Variants in ST7 observed in about 807,000 individuals in gnomAD.
The protein encoded by ST7 is suppression of tumorigenicity 7.
ST7 carries 28 observed loss-of-function variants against 78.7 expected under a neutral mutation model. The observed-to-expected ratio is 0.36, with a 90% CI of 0.26 to 0.49. The LOEUF is 0.49. ST7 is among the 20% of genes least tolerant of loss of function. The pLI is 0.99. For synonymous variants in ST7, 247 were observed against 249.6 expected (o/e 0.99, Z 0.10); for missense variants, 418 against 696.0 (o/e 0.60, Z 4.49).
intron 1 of ST7, among the ~76,000 whole-genome samples, chr7:117,004,348 C>A (rs1795070132): frequency 6.6e-6 from 1 of 152,150 alleles, no homozygotes; most frequent in South Asian, 2.1e-4. Flanking sequence ...ATGGGTAAGT[C>A]TCTGGAGAGA....
chr7:117,040,638 T>C (rs1797164932), intron 1 of ST7, among the ~76,000 whole-genome samples: 1 of 152,232 alleles, frequency 6.6e-6, no homozygotes, highest in South Asian at 2.1e-4. Context: ...TTTTAAGGAT[T>C]CATCTAGTGA....
At chr7:116,963,177 T>C (rs1250897027) in intron 1 of ST7, among the ~76,000 whole-genome samples, 1 of 152,210 alleles carries the variant, frequency 6.6e-6, no homozygotes, top group East Asian at 1.9e-4. Flanking sequence ...TAATGGGTTA[T>C]TGGATTGTTT....
intron 1 of ST7, chr7:116,966,227 T>G: frequency 3.5e-6 from 1 of 282,092 alleles, no homozygotes; most frequent in South Asian, 3.7e-5. Flanking sequence ...TAATATATGT[T>G]GCTTTTTTCT....
chr7:117,017,357 A>G (rs1795664167), intron 1 of ST7, among the ~76,000 whole-genome samples: 1 of 152,200 alleles, frequency 6.6e-6, no homozygotes, highest in African/African-American at 2.4e-5. Flanking sequence ...TTGTTGAGTG[A>G]ATGCTTGATA....
At chr7:117,078,536 C>T (rs1460895096) in intron 1 of ST7, among the ~76,000 whole-genome samples, 1 of 152,154 alleles carries the variant, frequency 6.6e-6, no homozygotes, top group Non-Finnish European at 1.5e-5. Context: ...ATGCAGTAAT[C>T]ATGCAGTTTT....
chr7:117,128,412 C>T (rs576863953), intron 3 of ST7: 1 of 151,810 alleles, frequency 6.6e-6, no homozygotes, highest in East Asian at 1.9e-4. Flanking sequence ...TGACAGCCAT[C>T]AAATCTCAGT....
At chr7:117,172,937 G>A (rs1047467994) in intron 10 of ST7, among the ~76,000 whole-genome samples, 1 of 152,194 alleles carries the variant, frequency 6.6e-6, no homozygotes, top group Non-Finnish European at 1.5e-5. Context: ...AAGACTGATT[G>A]TAAAATAAAG....
rs116216643 is a variant in ST7, at chr7:117,088,442, T to C, written c.152-11320T>C. On this transcript the variant is annotated intron_variant, in intron 1 of 15. Transcript: ENST00000323984. ...CATATATGAAAGATGTTTTAGAATA[T>C]AGATGTTATTCCGTTATACTTGTTA... Among the ~76,000 whole-genome samples, 1,306 of 152,336 alleles carry C rather than the reference T, an allele frequency of 8.6e-3. 19 individuals carry two copies. Among genetic ancestry groups the C allele is most frequent in the African/African-American group, 0.029 (1,203 of 41,576 alleles).
intron 1 of ST7, among the ~76,000 whole-genome samples, chr7:117,020,840 C>T (rs1000935627): frequency 1.1e-4 from 16 of 152,122 alleles, no homozygotes; most frequent in Non-Finnish European, 2.1e-4. Flanking sequence ...AAAACCAGGC[C>T]TGTAAGAGGG....
intron 3 of ST7, among the ~76,000 whole-genome samples, chr7:117,125,600 T>C (rs1803770533): frequency 6.6e-6 from 1 of 152,106 alleles, no homozygotes; most frequent in Admixed American, 6.6e-5. Context: ...TAAATTGATC[T>C]GAATAATGTA....
chr7:117,022,962 C>T (rs1025808926), intron 1 of ST7: 12 of 152,286 alleles, frequency 7.9e-5, no homozygotes, highest in African/African-American at 2.6e-4. Context: ...CTCTTGTGGC[C>T]TTTCCCAGTC....
Position 116,959,349 on chromosome 7 carries a change from A to T in ST7, c.151+5658A>T, listed in dbSNP as rs923210240. 1.2e-4 allele frequency: 56 copies of T among 453,132 alleles called. 1 individual carries two copies. Among genetic ancestry groups the T allele is most frequent in the South Asian group, 7.2e-4 (44 of 61,040 alleles). The allele number at this position is 453,132 out of a possible 1,614,324, so 28.1% of individuals were successfully genotyped here. On this transcript the variant is annotated intron_variant, in intron 1 of 15. Transcript: ENST00000323984. The stretch of plus-strand genomic sequence containing the variant: ...GCAGTTACTTTATCTTATATGAATT[A>T]TGGTATATGTGTGTGATATATGTGG...
intron 15 of ST7, among the ~76,000 whole-genome samples, chr7:117,228,835 G>A (rs979382185): frequency 6.6e-6 from 1 of 152,058 alleles, no homozygotes; most frequent in Non-Finnish European, 1.5e-5. Flanking sequence ...TAGGACAAAG[G>A]GCTCCATGGT....
At chr7:117,165,305 A>G (rs1807461048) in intron 9 of ST7, among the ~76,000 whole-genome samples, 2 of 152,154 alleles carry the variant, frequency 1.3e-5, no homozygotes, top group African/African-American at 4.8e-5. Context: ...GTATATAAAT[A>G]GTTCTGGTGA....
intron 1 of ST7, among the ~76,000 whole-genome samples, chr7:117,058,712 G>A (rs1163815601): frequency 6.6e-6 from 1 of 152,074 alleles, no homozygotes; most frequent in Non-Finnish European, 1.5e-5. Flanking sequence ...CTGTGTGATG[G>A]TATCAAAGAA....
chr7:117,227,305 T>C (rs1416863835), intron 15 of ST7, among the ~76,000 whole-genome samples: 1 of 152,202 alleles, frequency 6.6e-6, no homozygotes, highest in Non-Finnish European at 1.5e-5. Context: ...CAGCAGTTCC[T>C]TCCCCACTCA....
intron 15 of ST7, among the ~76,000 whole-genome samples, chr7:117,225,724 A>G (rs1005099897): frequency 6.6e-6 from 1 of 152,212 alleles, no homozygotes; most frequent in African/African-American, 2.4e-5. Flanking sequence ...GACCTTTAGT[A>G]GATGCAGAGA....
In ST7 at chr7:117,066,759, C is replaced by T. The variant is rs572484337; in HGVS notation, c.152-33003C>T. ...CTGGGCAACAGAGTGAGACTGACTC[C>T]GTCTCAAAAAAAAAAAAAAAAAAAA... is the stretch of plus-strand genomic sequence containing the variant. On this transcript the variant is annotated intron_variant, in intron 1 of 15. Transcript: ENST00000323984. Among the ~76,000 whole-genome samples the T allele has an allele frequency of 8.6e-5, 10 of 116,606 alleles. No homozygotes were observed. The East Asian group carries it at 1.2e-3, about 14-fold the overall frequency. The allele number at this position is 116,606 out of a possible 152,430, so 76.5% of individuals were successfully genotyped here.
intron 6 of ST7, among the ~76,000 whole-genome samples, chr7:117,133,692 ATTG>A (rs990503882): frequency 3.3e-5 from 5 of 151,398 alleles, no homozygotes; most frequent in Admixed American, 6.6e-5. Context: ...TATTATTATT[ATTG>A]TTATTTTTGC....
Sources: gnomAD v4.1 joint callset for allele counts (sites outside exome capture counted in the v4.1 genomes callset) on GRCh38, gnomAD v4.1.1 for gene constraint, MANE v1.5 for transcripts, NCBI Gene and HGNC (gene_info 2026-07-23, HGNC 2026-07-21) for gene names.